The following COIL variants were observed in gnomAD, a reference collection of about 807,000 sequenced individuals.
COIL encodes coilin p80.
A neutral mutation model predicts 51.6 loss-of-function variants in COIL; 28 were observed. The ratio of observed to expected loss-of-function variants is 0.54; its 90% CI spans 0.40 to 0.74. The LOEUF is 0.74. Ranked by LOEUF, COIL falls within the 30% of genes least tolerant of loss-of-function variation. COIL has a pLI of 0.00. For synonymous variants in COIL, 233 were observed against 255.8 expected (o/e 0.91, Z 0.85); for missense variants, 667 against 685.9 (o/e 0.97, Z 0.31).
chr17:56,960,195 G>T (rs1370549385), intron 1 of COIL, among the ~76,000 whole-genome samples: 1 of 151,488 alleles, frequency 6.6e-6, no homozygotes, highest in Non-Finnish European at 1.5e-5. Context: ...CTGCACTCCA[G>T]CCTGGGTGAC....
intron 1 of COIL, chr17:56,952,496 T>C (rs1427411462): frequency 6.5e-6 from 2 of 307,342 alleles, no homozygotes; most frequent in East Asian, 2.1e-4. Context: ...GAGATTAACA[T>C]TTAAATTGCT....
At chr17:56,953,337 G>A (rs1180606606) in intron 1 of COIL, among the ~76,000 whole-genome samples, 2 of 150,502 alleles carry the variant, frequency 1.3e-5, no homozygotes, top group Admixed American at 6.6e-5. Flanking sequence ...CGTGAACCTG[G>A]GAGGTGGAGC....
At chr17:56,952,762 C>T (rs1910397361) in intron 1 of COIL, among the ~76,000 whole-genome samples, 1 of 151,968 alleles carries the variant, frequency 6.6e-6, no homozygotes, top group Non-Finnish European at 1.5e-5. Context: ...CAATTCCTTA[C>T]AATAAATCCC....
chr17:56,949,253 A>G lies in COIL; in HGVS notation c.1488+134T>C, dbSNP rs1910308771. On this transcript the variant is annotated intron_variant, in intron 4 of 6. Transcript: ENST00000240316. ...TATTAAAGAGTTGACATTTCGATTA[A>G]TGTTTTCATTTTCTACTTTCTGGCA... 4.5e-6 allele frequency: 3 copies of G among 660,580 alleles called. No homozygotes were observed. The Admixed American group carries it at 1.1e-4, about 24-fold the overall frequency. 40.9% of individuals were successfully genotyped at this position (660,580 alleles called of 1,614,324 possible).
At chr17:56,953,243 C>G (rs55646480) in intron 1 of COIL, among the ~76,000 whole-genome samples, 1 of 151,834 alleles carries the variant, frequency 6.6e-6, no homozygotes, top group Non-Finnish European at 1.5e-5. Flanking sequence ...AACCCCGTCT[C>G]TACTAAAAAT....
At position 56,949,892 on chromosome 17, in the gene COIL, G is replaced by A. The variant is rs776237094; in HGVS notation, c.1350C>T (p.Ile450=). ...NDVVKNSSTI[I]QNPVETPKKD... is the part of the protein sequence containing the mutation. ...ACTTACAAAAAATAATACTTACCTG[G>A]ATAATAGTAGATGAATTTTTTACCA... The change falls in exon 2 of 7, where the codon ATC becomes ATT. Residue 450 remains isoleucine (I), a synonymous_variant. Transcript: ENST00000240316. 1.9e-6 allele frequency: 3 copies of A among 1,613,474 alleles called. No homozygotes were observed. The African/African-American group carries it at 4.0e-5, about 22-fold the overall frequency.
At chr17:56,956,748 T>C (rs542900541) in intron 1 of COIL, among the ~76,000 whole-genome samples, 1 of 152,100 alleles carries the variant, frequency 6.6e-6, no homozygotes, top group African/African-American at 2.4e-5. Context: ...TGTGCCACCA[T>C]GCCCAGCTAA....
chr17:56,949,241 A>C (rs1910308396), intron 4 of COIL, 146 bp downstream of exon 4: 1 of 624,078 alleles, frequency 1.6e-6, no homozygotes, highest in Admixed American at 3.6e-5. Context: ...TAAAGAGTTG[A>C]CATTTCGATT....
intron 4 of COIL, among the ~76,000 whole-genome samples, chr17:56,948,330 G>A (rs1368030509): frequency 3.3e-5 from 5 of 151,348 alleles, no homozygotes; most frequent in South Asian, 4.2e-4. Context: ...TACTAGAGAC[G>A]GGGTTTCACT....
intron 6 of COIL, chr17:56,940,981 C>CA (rs1910134915): frequency 6.6e-6 from 1 of 151,514 alleles, no homozygotes; most frequent in Non-Finnish European, 1.5e-5. Flanking sequence ...TAAAAAAATA[C>CA]AAAAAATTAG....
chr17:56,952,243 A>G, intron 1 of COIL: 1 of 494,656 alleles, frequency 2.0e-6, no homozygotes, highest in South Asian at 1.5e-5. Context: ...AATCAGCCTC[A>G]GATTTGACGT....
chr17:56,952,207 A>G, intron 1 of COIL: 1 of 500,760 alleles, frequency 2.0e-6, no homozygotes, highest in Admixed American at 2.0e-5. Context: ...TGTGAACCTC[A>G]CAGGCAGGCT....
chr17:56,949,240 G>A, intron 4 of COIL, 147 bp downstream of exon 4: 1 of 621,866 alleles, frequency 1.6e-6, no homozygotes, highest in Non-Finnish European at 2.7e-6. Context: ...TTAAAGAGTT[G>A]ACATTTCGAT....
Position 56,938,645 on chromosome 17 carries a change from C to T in COIL, c.*426G>A, listed in dbSNP as rs1456184021. On this transcript the variant is annotated 3_prime_UTR_variant, in exon 7 of 7. Transcript: ENST00000240316. ...CAAGATGCTCCATTTAATGGAACAA[C>T]TCAAATGCTAAAAAATTAGGTCAAA... 6.6e-6 allele frequency: 1 copy of T among 152,482 alleles called. No homozygotes were observed. The highest frequency in any genetic ancestry group is 1.5e-5 in the Non-Finnish European group (1 of 68,264). The allele number at this position is 152,482 out of a possible 1,614,324, so 9.4% of individuals were successfully genotyped here. A position where few individuals can be genotyped will look rare whatever the true frequency, so the allele number is the denominator to read the frequency against.
intron 1 of COIL, among the ~76,000 whole-genome samples, chr17:56,957,815 C>A (rs1271859414): frequency 1.3e-5 from 2 of 152,100 alleles, no homozygotes; most frequent in East Asian, 1.9e-4. Context: ...AATAGAAGCA[C>A]CTCCTCCTCC....
intron 1 of COIL, among the ~76,000 whole-genome samples, chr17:56,953,221 C>T (rs886938057): frequency 3.3e-5 from 5 of 151,836 alleles, no homozygotes; most frequent in African/African-American, 4.8e-5. Context: ...ACCATCCTGG[C>T]TAACACAGTG....
At chr17:56,939,175 C>A in intron 6 of COIL, 21 bp from the exon 7 acceptor site, 1 of 1,360,876 alleles carries the variant, frequency 7.3e-7, no homozygotes, top group Non-Finnish European at 1.1e-6. Context: ...AGACAAAATA[C>A]CCAGTTTAGG....
chr17:56,950,025 C>G lies in COIL; in HGVS notation c.1217G>C (p.Gly406Ala), dbSNP rs765370720. The G allele has an allele frequency of 1.2e-6, 2 of 1,614,130 alleles. No individual in the cohort carries two copies. The highest frequency in any genetic ancestry group is 1.7e-6 in the Non-Finnish European group (2 of 1,180,006). Reference protein sequence around the residue: ...GREENLFSWKGAKGRGMRGRG... With the variant: ...GREENLFSWKAAKGRGMRGRG... ...CCCCCGCATGCCCCGTCCCTTAGCTCCCTTCCAAGAAAAAAGGTTCTCTTC... is the reference window on the plus strand; with the variant it reads ...CCCCCGCATGCCCCGTCCCTTAGCTGCCTTCCAAGAAAAAAGGTTCTCTTC... The change falls in exon 2 of 7, where the codon GGA becomes GCA. Residue 406 changes from glycine to alanine, a missense_variant. Gly to Ala is a moderately conservative substitution (Grantham distance 60). Coordinates refer to ENST00000240316, the MANE Select transcript of COIL (RefSeq NM_004645.3).
chr17:56,949,728 G>GT lies in COIL; in HGVS notation c.1392dup (p.Pro465ThrfsTer16). The GT allele has an allele frequency of 3.1e-6, 5 of 1,614,174 alleles. No individual in the cohort carries two copies. Among genetic ancestry groups the GT allele is most frequent in the Non-Finnish European group, 4.2e-6 (5 of 1,180,000 alleles). ...ACTTGAGGGGCAGCTGCTAACAGTG[G>GT]TAACAGACTATAGTCCTTCTTGGGT... On this transcript the variant is annotated frameshift_variant, in exon 3 of 7. Coordinates refer to ENST00000240316, the MANE Select transcript of COIL (RefSeq NM_004645.3). LOFTEE classifies it high-confidence loss of function.
Sources: allele counts gnomAD v4.1 joint callset (sites outside exome capture counted in the v4.1 genomes callset), GRCh38; gene constraint gnomAD v4.1.1; transcripts MANE v1.5; gene names NCBI Gene and HGNC (gene_info 2026-07-23, HGNC 2026-07-21).